Variants in FARS2 observed in about 807,000 individuals in gnomAD.
The protein encoded by FARS2 is phenylalanine--tRNA ligase, mitochondrial.
Under a neutral mutation model 46.4 loss-of-function variants are expected in FARS2, and 40 were observed. The ratio of observed to expected loss-of-function variants is 0.86; its 90% CI spans 0.67 to 1.12. The LOEUF (loss-of-function observed/expected upper bound fraction) is 1.12. Ranked by LOEUF, FARS2 falls within the 50% of genes most tolerant of loss-of-function variation. The pLI is 0.00. For missense variants in FARS2, 513 were observed against 567.9 expected, an observed-to-expected ratio of 0.90 and a Z score of 0.98; for synonymous variants, 234 against 214.9, an observed-to-expected ratio of 1.09 and a Z score of -0.78.
At chr6:5,713,861 A>G (rs76830979) in intron 6 of FARS2, among the ~76,000 whole-genome samples, 8,729 of 152,308 alleles carry the variant, frequency 0.057, 806 homozygotes, top group African/African-American at 0.19. Context: ...GTGGAAAAGC[A>G]TATTGCCGTC....
intron 1 of FARS2, among the ~76,000 whole-genome samples, chr6:5,299,086 C>T (rs932140518): frequency 4.6e-5 from 7 of 152,092 alleles, no homozygotes; most frequent in African/African-American, 1.7e-4. Context: ...TCTGCAGAGC[C>T]TTGCGTTTTG....
intron 4 of FARS2, among the ~76,000 whole-genome samples, chr6:5,440,708 AG>A (rs931859321): frequency 6.6e-6 from 1 of 152,102 alleles, no homozygotes; most frequent in Non-Finnish European, 1.5e-5. Flanking sequence ...TTAGAAGTGG[AG>A]GGGGGGTGTC....
At position 5,728,255 on chromosome 6, in the gene FARS2, C is replaced by G. The variant is rs1023873688; in HGVS notation, c.1218-43036C>G. On this transcript the variant is annotated intron_variant, in intron 6 of 6. Coordinates refer to ENST00000274680, the MANE Select transcript of FARS2 (RefSeq NM_006567.5). Reference sequence around the variant, plus strand: ...ATAATTTGGGTTTGTTTCAAAATAGCCTAATAGCTGGGAATGGGCTGGTTT... The same window carrying G: ...ATAATTTGGGTTTGTTTCAAAATAGGCTAATAGCTGGGAATGGGCTGGTTT... 1.6e-4 allele frequency among the ~76,000 whole-genome samples: 25 copies of G among 152,074 alleles called. 1 individual carries two copies. The East Asian group carries it at 4.6e-3, about 28-fold the overall frequency.
At chr6:5,544,571 G>A (rs916073442) in intron 4 of FARS2, among the ~76,000 whole-genome samples, 4 of 152,134 alleles carry the variant, frequency 2.6e-5, no homozygotes, top group South Asian at 2.1e-4. Flanking sequence ...ATCTGAGCAG[G>A]ACACTGTACC....
intron 6 of FARS2, among the ~76,000 whole-genome samples, chr6:5,688,026 C>G (rs1219833623): frequency 6.6e-6 from 1 of 152,178 alleles, no homozygotes. Flanking sequence ...CATAAGAATA[C>G]TTGTGATTTT....
At chr6:5,459,101 C>T (rs566365277) in intron 4 of FARS2, among the ~76,000 whole-genome samples, 1 of 152,276 alleles carries the variant, frequency 6.6e-6, no homozygotes, top group South Asian at 2.1e-4. Flanking sequence ...TGACACTGGT[C>T]CATGTGGCCA....
chr6:5,319,437 C>G (rs138531546), intron 1 of FARS2, among the ~76,000 whole-genome samples: 153 of 152,348 alleles, frequency 1.0e-3, no homozygotes, highest in Admixed American at 4.3e-3. Flanking sequence ...TGGCCCCTCC[C>G]AAGTGCCGGC....
chr6:5,448,937 C>T (rs1764327018), intron 4 of FARS2, among the ~76,000 whole-genome samples: 1 of 152,188 alleles, frequency 6.6e-6, no homozygotes, highest in Non-Finnish European at 1.5e-5. Context: ...AGCTTTTGAA[C>T]TCTTAAGTCT....
intron 4 of FARS2, among the ~76,000 whole-genome samples, chr6:5,432,416 A>C (rs1336792412): frequency 8.2e-6 from 1 of 122,100 alleles, no homozygotes; most frequent in Non-Finnish European, 1.7e-5. Context: ...ATTATATATA[A>C]TATATAATAT....
At chr6:5,735,215 T>C (rs1308724041) in intron 6 of FARS2, among the ~76,000 whole-genome samples, 2 of 152,258 alleles carry the variant, frequency 1.3e-5, no homozygotes, top group African/African-American at 4.8e-5. Flanking sequence ...TGTCTATGTA[T>C]GAATGACTCA....
chr6:5,403,343 A>T (rs1467090638), intron 2 of FARS2, among the ~76,000 whole-genome samples: 1 of 152,010 alleles, frequency 6.6e-6, no homozygotes, highest in African/African-American at 2.4e-5. Flanking sequence ...CATCAGGGGG[A>T]TGAGTCTTTT....
Position 5,536,634 on chromosome 6 carries a change from G to A in FARS2, c.905-8546G>A, listed in dbSNP as rs147103883. On this transcript the variant is annotated intron_variant, in intron 4 of 6. Transcript: ENST00000274680. ...TATATTTCATCTCTGAAAGATTGATGTGTTTGGACCTGACCAATGTAGCCT... is the reference window on the plus strand; with the variant it reads ...TATATTTCATCTCTGAAAGATTGATATGTTTGGACCTGACCAATGTAGCCT... Among the ~76,000 whole-genome samples, 1,351 of 152,312 alleles carry A rather than the reference G, an allele frequency of 8.9e-3. 14 individuals carry two copies. Among genetic ancestry groups the A allele is most frequent in the South Asian group, 0.024 (115 of 4,826 alleles).
At chr6:5,757,072 A>G (rs1487507847) in intron 6 of FARS2, among the ~76,000 whole-genome samples, 4 of 152,244 alleles carry the variant, frequency 2.6e-5, no homozygotes, top group African/African-American at 9.6e-5. Flanking sequence ...GGGCAGTCTT[A>G]TTAAATTCTG....
At chr6:5,487,287 C>G (rs184468910) in intron 4 of FARS2, among the ~76,000 whole-genome samples, 1 of 152,118 alleles carries the variant, frequency 6.6e-6, no homozygotes, top group African/African-American at 2.4e-5. Flanking sequence ...CTTGTGGAGG[C>G]GAGCTAAACT....
chr6:5,539,810 G>A (rs1227858713), intron 4 of FARS2, among the ~76,000 whole-genome samples: 2 of 152,082 alleles, frequency 1.3e-5, no homozygotes, highest in Non-Finnish European at 2.9e-5. Flanking sequence ...CTCATCATCA[G>A]CATTACTCCC....
At chr6:5,356,075 A>G (rs1256279008) in intron 1 of FARS2, among the ~76,000 whole-genome samples, 4 of 152,196 alleles carry the variant, frequency 2.6e-5, no homozygotes, top group Admixed American at 2.6e-4. Context: ...TCAAACTGTA[A>G]ACAAGTGTCC....
chr6:5,493,202 T>C (rs1296702763), intron 4 of FARS2, among the ~76,000 whole-genome samples: 1 of 133,502 alleles, frequency 7.5e-6, no homozygotes, highest in Non-Finnish European at 1.6e-5. Flanking sequence ...AGAGGGAGAC[T>C]GTGTCTCAAA....
At chr6:5,646,843 C>T (rs1444009926) in intron 6 of FARS2, among the ~76,000 whole-genome samples, 1 of 152,054 alleles carries the variant, frequency 6.6e-6, no homozygotes, top group Non-Finnish European at 1.5e-5. Flanking sequence ...CCATCTTTTT[C>T]TTTTTTCAAA....
intron 4 of FARS2, among the ~76,000 whole-genome samples, chr6:5,537,235 C>G (rs972929078): frequency 6.6e-6 from 1 of 152,234 alleles, no homozygotes; most frequent in African/African-American, 2.4e-5. Flanking sequence ...ACTAAGGACT[C>G]TGGGGATAGA....
Sources: gnomAD v4.1 joint callset for allele counts (sites outside exome capture counted in the v4.1 genomes callset) on GRCh38, gnomAD v4.1.1 for gene constraint, MANE v1.5 for transcripts, NCBI Gene and HGNC (gene_info 2026-07-23, HGNC 2026-07-21) for gene names.